The following OSTF1 variants were observed in gnomAD, a reference collection of about 807,000 sequenced individuals.
The protein encoded by OSTF1 is osteoclast-stimulating factor 1.
In OSTF1, 27 loss-of-function variants were observed where a neutral mutation model predicts 37.2. That is an observed-to-expected ratio of 0.73 (90% CI 0.54 to 1.00). The LOEUF is 1.00. Among genes scored for constraint, OSTF1 ranks in the 50% least tolerant of loss-of-function variants. The pLI, the probability that OSTF1 is intolerant of heterozygous loss-of-function variation, is 0.00. For synonymous variants in OSTF1, 82 were observed against 89.2 expected (o/e 0.92, Z 0.46); for missense variants, 232 against 253.8 (o/e 0.91, Z 0.58).
intron 1 of OSTF1, among the ~76,000 whole-genome samples, chr9:75,090,766 A>G (rs1207533335): frequency 6.6e-6 from 1 of 152,106 alleles, no homozygotes; most frequent in Non-Finnish European, 1.5e-5. Flanking sequence ...TGAGGCTAGG[A>G]GTTTGAGACT....
chr9:75,146,275 T>C (rs1826022907), intron 9 of OSTF1, among the ~76,000 whole-genome samples: 1 of 152,294 alleles, frequency 6.6e-6, no homozygotes, highest in Non-Finnish European at 1.5e-5. Context: ...TCTTTTCCTT[T>C]TTCCCCTTCG....
At chr9:75,111,365 TCA>T (rs1825384695) in intron 1 of OSTF1, among the ~76,000 whole-genome samples, 1 of 152,158 alleles carries the variant, frequency 6.6e-6, no homozygotes, top group Non-Finnish European at 1.5e-5. Flanking sequence ...ACTAATGGAC[TCA>T]CCCTTCTCTT....
chr9:75,142,942 CT>C (rs35793257), intron 9 of OSTF1, among the ~76,000 whole-genome samples: 86 of 141,592 alleles, frequency 6.1e-4, no homozygotes, highest in Middle Eastern at 3.7e-3. Flanking sequence ...TTGTTGTCCA[CT>C]TTTTTTTTTT....
At chr9:75,103,087 G>A (rs1453322200) in intron 1 of OSTF1, among the ~76,000 whole-genome samples, 1 of 152,164 alleles carries the variant, frequency 6.6e-6, no homozygotes, top group Non-Finnish European at 1.5e-5. Context: ...GGGTGTTTAA[G>A]ACCAGCCCAT....
At chr9:75,130,439 G>C in intron 3 of OSTF1, 139 bp from the exon 4 acceptor site, 1 of 628,718 alleles carries the variant, frequency 1.6e-6, no homozygotes, top group Non-Finnish European at 3.0e-6. Flanking sequence ...CCACAGCTAG[G>C]GCGTGAGGAA....
chr9:75,131,798 T>C lies in OSTF1; in HGVS notation c.225T>C (p.Asn75=). 1 of 1,613,702 alleles carries C rather than the reference T, an allele frequency of 6.2e-7. No homozygotes were observed. Among genetic ancestry groups the C allele is most frequent in the Middle Eastern group, 1.6e-4 (1 of 6,062 alleles). The change falls in exon 5 of 10, where the codon AAT becomes AAC. Residue 75 remains asparagine, a synonymous_variant. Coordinates refer to ENST00000346234, the MANE Select transcript of OSTF1 (RefSeq NM_012383.5). ...CTGAGCAGGCAGAATCCATTGACAA[T>C]CCATTGCATGAAGCAGCAAAAAGAG... The part of the protein sequence containing the change: ...YVAEQAESID[N]PLHEAAKRGN...
At chr9:75,105,680 A>AT (rs1825271421) in intron 1 of OSTF1, among the ~76,000 whole-genome samples, 1 of 151,246 alleles carries the variant, frequency 6.6e-6, no homozygotes, top group Admixed American at 6.6e-5. Flanking sequence ...ATTTTCTTCC[A>AT]TTTTTCCCAA....
intron 2 of OSTF1, among the ~76,000 whole-genome samples, chr9:75,122,965 C>G (rs557399723): frequency 6.6e-6 from 1 of 152,092 alleles, no homozygotes; most frequent in Non-Finnish European, 1.5e-5. Flanking sequence ...CATAAACCAA[C>G]AAAATTAATG....
At chr9:75,104,237 C>T (rs1825246014) in intron 1 of OSTF1, among the ~76,000 whole-genome samples, 2 of 151,954 alleles carry the variant, frequency 1.3e-5, no homozygotes, top group African/African-American at 4.8e-5. Context: ...TGAGTGAGAC[C>T]CTGTCTCAAA....
At chr9:75,098,183 A>G (rs1386514418) in intron 1 of OSTF1, among the ~76,000 whole-genome samples, 1 of 151,710 alleles carries the variant, frequency 6.6e-6, no homozygotes, top group Admixed American at 6.6e-5. Context: ...CTTCTCCTAG[A>G]CTCCTGGGCC....
At position 75,128,387 on chromosome 9, in the gene OSTF1, TATATATATATATATATATA is replaced by T. The variant is rs1825696347; in HGVS notation, c.132+769_132+787del. 3.3e-5 allele frequency among the ~76,000 whole-genome samples: 3 copies of T among 91,736 alleles called. 1 individual carries two copies. Among genetic ancestry groups the T allele is most frequent in the African/African-American group, 1.4e-4 (3 of 22,128 alleles). The allele number at this position is 91,736 out of a possible 152,430, so 60.2% of individuals were successfully genotyped here. ...ACATATATATATATATATATATATA[TATATATATATATATATATA>T]TTTTGTCCATATATATATATATTTT... On this transcript the variant is annotated intron_variant, in intron 3 of 9. Transcript: ENST00000346234.
chr9:75,133,320 T>G lies in OSTF1; in HGVS notation c.277T>G (p.Leu93Val), dbSNP rs1250310358. The change falls in exon 6 of 10, where the codon TTG (leucine) becomes GTG (valine). Residue 93 changes from leucine (L) to valine (V), a missense_variant. By Grantham distance (32) the Leu-to-Val change is conservative. Coordinates refer to ENST00000346234, the MANE Select transcript of OSTF1 (RefSeq NM_012383.5). ...CAACTTGAGCTGGTTGAGAGAGTGTTTGGACAACAGAGTGGGTGTTAATGG... is the reference window on the plus strand; with the variant it reads ...CAACTTGAGCTGGTTGAGAGAGTGTGTGGACAACAGAGTGGGTGTTAATGG... ...RGNLSWLREC[L>V]DNRVGVNGLD... The G allele has an allele frequency of 2.5e-6, 4 of 1,612,256 alleles. No individual in the cohort carries two copies. Among genetic ancestry groups the G allele is most frequent in the Admixed American group, 3.3e-5 (2 of 59,940 alleles).
chr9:75,129,944 A>G (rs1484638582), intron 3 of OSTF1, among the ~76,000 whole-genome samples: 2 of 152,228 alleles, frequency 1.3e-5, no homozygotes, highest in African/African-American at 4.8e-5. Context: ...TTGCCTTTCA[A>G]AAAGTATGTG....
chr9:75,129,149 G>C (rs1361825929), intron 3 of OSTF1, among the ~76,000 whole-genome samples: 1 of 152,116 alleles, frequency 6.6e-6, no homozygotes, highest in Non-Finnish European at 1.5e-5. Context: ...GACAATTTGA[G>C]CATCAATTAG....
At chr9:75,105,217 T>G (rs1391832962) in intron 1 of OSTF1, among the ~76,000 whole-genome samples, 1 of 152,214 alleles carries the variant, frequency 6.6e-6, no homozygotes, top group African/African-American at 2.4e-5. Context: ...GGTTAGGAGC[T>G]GCAGATCTTC....
intron 1 of OSTF1, among the ~76,000 whole-genome samples, chr9:75,094,516 C>T (rs144841609): frequency 2.0e-3 from 305 of 152,036 alleles, no homozygotes; most frequent in African/African-American, 6.8e-3. Flanking sequence ...TACTGGGGTC[C>T]CCTCCCTTGG....
chr9:75,123,741 C>G (rs541519081), intron 2 of OSTF1, among the ~76,000 whole-genome samples: 1 of 152,124 alleles, frequency 6.6e-6, no homozygotes, highest in Non-Finnish European at 1.5e-5. Context: ...AGACATTTTA[C>G]GAGTAGTAGC....
At chr9:75,115,885 C>T (rs1420645462) in intron 1 of OSTF1, among the ~76,000 whole-genome samples, 1 of 152,012 alleles carries the variant, frequency 6.6e-6, no homozygotes, top group African/African-American at 2.4e-5. Flanking sequence ...AGGCAGATCG[C>T]TTGAAGTCAG....
chr9:75,138,307 T>C (rs1825874962), intron 8 of OSTF1, among the ~76,000 whole-genome samples: 1 of 152,190 alleles, frequency 6.6e-6, no homozygotes, highest in African/African-American at 2.4e-5. Flanking sequence ...TATTGTGGGA[T>C]ATATGATAGG....
Sources: gnomAD v4.1 joint callset for allele counts (sites outside exome capture counted in the v4.1 genomes callset) on GRCh38, gnomAD v4.1.1 for gene constraint, MANE v1.5 for transcripts, NCBI Gene and HGNC (gene_info 2026-07-23, HGNC 2026-07-21) for gene names.